The following WDFY3 variants were observed in gnomAD, a reference collection of about 807,000 sequenced individuals.
WDFY3 encodes WD repeat and FYVE domain-containing protein 3.
WDFY3 carries 66 observed loss-of-function variants against 409.6 expected under a neutral mutation model. The observed-to-expected ratio is 0.16, with a 90% CI of 0.13 to 0.20. WDFY3 has a LOEUF of 0.20. Among genes scored for constraint, WDFY3 ranks in the 10% least tolerant of loss-of-function variants. The pLI is 1.00. For missense variants in WDFY3, 3,031 were observed against 4,298.1 expected (o/e 0.71, Z 8.24); for synonymous variants, 1,521 against 1,537.1 (o/e 0.99, Z 0.25).
chr4:84,793,123 G>A (rs531040710), intron 21 of WDFY3, among the ~76,000 whole-genome samples: 2 of 152,236 alleles, frequency 1.3e-5, no homozygotes, highest in South Asian at 4.1e-4. Flanking sequence ...TTTCTAGTTG[G>A]GCTAACTGGC....
chr4:84,675,231 C>T (rs555412364), intron 67 of WDFY3, among the ~76,000 whole-genome samples: 53 of 152,158 alleles, frequency 3.5e-4, no homozygotes, highest in African/African-American at 1.3e-3. Context: ...GCTGGCATTA[C>T]AGGCATGAGC....
At chr4:84,708,637 C>T (rs1732389200) in intron 53 of WDFY3, among the ~76,000 whole-genome samples, 2 of 151,744 alleles carry the variant, frequency 1.3e-5, no homozygotes, top group Non-Finnish European at 2.9e-5. Context: ...ACCTCCTGGG[C>T]TAAAGTAATC....
chr4:84,912,576 T>C (rs1436210007), intron 2 of WDFY3, among the ~76,000 whole-genome samples: 1 of 152,078 alleles, frequency 6.6e-6, no homozygotes, highest in Non-Finnish European at 1.5e-5. Context: ...CAGCAAAGGA[T>C]GGCTTGGTAA....
At chr4:84,760,460 T>C (rs1274668296) in intron 32 of WDFY3, among the ~76,000 whole-genome samples, 1 of 152,112 alleles carries the variant, frequency 6.6e-6, no homozygotes, top group Non-Finnish European at 1.5e-5. Flanking sequence ...GGTAAGCTAT[T>C]GATTATTGCC....
chr4:84,797,018 A>G (rs991766796), intron 18 of WDFY3, among the ~76,000 whole-genome samples: 1 of 152,214 alleles, frequency 6.6e-6, no homozygotes, highest in African/African-American at 2.4e-5. Flanking sequence ...TTGTCATCAA[A>G]GCCACTGATA....
At chr4:84,943,954 C>A (rs1365351476) in intron 1 of WDFY3, among the ~76,000 whole-genome samples, 1 of 152,168 alleles carries the variant, frequency 6.6e-6, no homozygotes, top group Non-Finnish European at 1.5e-5. Flanking sequence ...GAATTATAAA[C>A]ATTCCAGATT....
At chr4:84,750,395 C>T (rs911219971) in intron 36 of WDFY3, among the ~76,000 whole-genome samples, 18 of 151,902 alleles carry the variant, frequency 1.2e-4, no homozygotes, top group African/African-American at 3.4e-4. Flanking sequence ...GAGATACTTT[C>T]GCATGAATAA....
Position 84,739,098 on chromosome 4 carries a change from C to T in WDFY3, c.6486G>A (p.Leu2162=), listed in dbSNP as rs140312391. Reference sequence around the variant, plus strand: ...ATGTGGTCATGCGGGCTTCTGCTTCCAGTCCAAATCCATCCACGTTGCTGA... The same window carrying T: ...ATGTGGTCATGCGGGCTTCTGCTTCTAGTCCAAATCCATCCACGTTGCTGA... ...HVGSNVDGFG[L]EAEARMTTWH... The change falls in exon 40 of 68, where the codon CTG becomes CTA. Residue 2162 remains leucine (L), a synonymous_variant. Coordinates refer to ENST00000295888, the MANE Select transcript of WDFY3 (RefSeq NM_014991.6). 3.5e-5 allele frequency: 56 copies of T among 1,613,974 alleles called. No individual in the cohort carries two copies. The highest frequency in any genetic ancestry group is 4.6e-5 in the Non-Finnish European group (54 of 1,179,970).
chr4:84,751,741 C>A, intron 35 of WDFY3, 25 bp from the exon 36 acceptor site: 2 of 1,610,032 alleles, frequency 1.2e-6, no homozygotes, highest in Non-Finnish European at 1.7e-6. Flanking sequence ...TGGAAAGATA[C>A]GGTAATCACA....
rs1236853980 is a variant in WDFY3, at chr4:84,737,347, T to G, written c.6594A>C (p.Lys2198Asn). ...GTTCAGTCCAAACTCTGTTGACAGC[T>G]TTTATGAGAAGCTGACGCCCTAGTA... ...DISEGRQLLIKAVNRVWTELI... is the reference protein window; with the variant it reads ...DISEGRQLLINAVNRVWTELI... Residue 2198 changes from lysine to asparagine, a missense_variant, in exon 41 of 68, where the codon AAA becomes AAC. This residue lies in a region of WDFY3 where 314 missense variants were observed against 397.4 expected (regional missense o/e 0.79). Coordinates refer to ENST00000295888, the MANE Select transcript of WDFY3 (RefSeq NM_014991.6). 1 of 1,577,476 alleles carries G rather than the reference T, an allele frequency of 6.3e-7. No homozygotes were observed. Among genetic ancestry groups the G allele is most frequent in the Admixed American group, 1.9e-5 (1 of 53,310 alleles).
chr4:84,721,044 G>A (rs965316513), intron 47 of WDFY3, among the ~76,000 whole-genome samples: 6 of 152,172 alleles, frequency 3.9e-5, no homozygotes, highest in Non-Finnish European at 5.9e-5. Flanking sequence ...GGCTGAAGCC[G>A]CTTGTAGGTT....
chr4:84,876,883 C>T (rs1016956362), intron 3 of WDFY3, among the ~76,000 whole-genome samples: 3 of 152,112 alleles, frequency 2.0e-5, no homozygotes, highest in Admixed American at 6.6e-5. Flanking sequence ...GGACATCTTA[C>T]GTATCTCCTG....
chr4:84,950,714 C>A (rs1345011122), intron 1 of WDFY3, among the ~76,000 whole-genome samples: 1 of 152,132 alleles, frequency 6.6e-6, no homozygotes, highest in Non-Finnish European at 1.5e-5. Flanking sequence ...CGTTTGAACC[C>A]AGGAGGCGGA....
intron 6 of WDFY3, among the ~76,000 whole-genome samples, chr4:84,838,312 C>T (rs1453844525): frequency 3.9e-5 from 6 of 152,194 alleles, no homozygotes; most frequent in Admixed American, 2.0e-4. Flanking sequence ...ACAAATGAAG[C>T]AACTGAGGTT....
At chr4:84,868,983 G>A (rs1320839233) in intron 3 of WDFY3, among the ~76,000 whole-genome samples, 1 of 152,118 alleles carries the variant, frequency 6.6e-6, no homozygotes, top group African/African-American at 2.4e-5. Context: ...TTCTTGTAAC[G>A]CAATACTTCC....
At chr4:84,833,221 CCAGTT>C (rs1294225363) in intron 7 of WDFY3, among the ~76,000 whole-genome samples, 2 of 152,030 alleles carry the variant, frequency 1.3e-5, no homozygotes, top group Admixed American at 6.6e-5. Flanking sequence ...TCTTCTAATA[CCAGTT>C]CAGGTTAGGA....
intron 2 of WDFY3, among the ~76,000 whole-genome samples, chr4:84,916,281 A>G (rs1346232668): frequency 1.3e-5 from 2 of 152,204 alleles, no homozygotes; most frequent in East Asian, 3.8e-4. Flanking sequence ...AGTTCTATGC[A>G]GCAACATCCT....
At chr4:84,717,815 G>A (rs1320767115) in intron 48 of WDFY3, among the ~76,000 whole-genome samples, 3 of 152,028 alleles carry the variant, frequency 2.0e-5, no homozygotes, top group African/African-American at 4.8e-5. Flanking sequence ...TTGGGAGGCC[G>A]AGGCGGGCGG....
intron 38 of WDFY3, among the ~76,000 whole-genome samples, chr4:84,740,703 G>A (rs1178074559): frequency 1.3e-5 from 2 of 152,128 alleles, no homozygotes; most frequent in Non-Finnish European, 2.9e-5. Flanking sequence ...GAGAACACGA[G>A]GATGTGACAG....
Sources: gnomAD v4.1 joint callset for allele counts (sites outside exome capture counted in the v4.1 genomes callset) on GRCh38, gnomAD v4.1.1 for gene constraint, gnomAD v4.1.1 regional missense constraint, MANE v1.5 for transcripts, NCBI Gene and HGNC (gene_info 2026-07-23, HGNC 2026-07-21) for gene names.